The following BARX2 variants were observed in gnomAD, a reference collection of about 807,000 sequenced individuals.
BARX2 encodes homeobox protein BarH-like 2.
In BARX2, 11 loss-of-function variants were observed where a neutral mutation model predicts 25.5. The ratio of observed to expected loss-of-function variants is 0.43; its 90% CI spans 0.27 to 0.71. The LOEUF (loss-of-function observed/expected upper bound fraction) is 0.71. Ranked by LOEUF, BARX2 falls within the 30% of genes least tolerant of loss-of-function variation. The probability of loss-of-function intolerance (pLI) is 0.19; values close to 1 mark genes in which losing one functional copy is unlikely to be tolerated. For missense variants in BARX2, 360 were observed against 359.9 expected (o/e 1.00, Z 0.00); for synonymous variants, 137 against 149.5 (o/e 0.92, Z 0.61).
intron 1 of BARX2, among the ~76,000 whole-genome samples, chr11:129,388,359 A>ACT (rs1454219043): frequency 1.3e-5 from 2 of 151,144 alleles, no homozygotes; most frequent in Non-Finnish European, 3.0e-5. Context: ...TGGCTGTGTG[A>ACT]CTCTCCACTC....
chr11:129,393,782 G>A (rs1429507176), intron 1 of BARX2, among the ~76,000 whole-genome samples: 1 of 152,094 alleles, frequency 6.6e-6, no homozygotes, highest in Non-Finnish European at 1.5e-5. Context: ...ATGAACACTT[G>A]TGTCTACCCA....
chr11:129,429,418 G>A (rs996528619), intron 1 of BARX2, among the ~76,000 whole-genome samples: 7 of 152,066 alleles, frequency 4.6e-5, no homozygotes, highest in African/African-American at 1.7e-4. Context: ...CCAGCTACTT[G>A]GGAGGCTGAG....
chr11:129,391,329 T>G (rs1861663591), intron 1 of BARX2, among the ~76,000 whole-genome samples: 1 of 152,194 alleles, frequency 6.6e-6, no homozygotes, highest in Non-Finnish European at 1.5e-5. Flanking sequence ...ATAAAAATGT[T>G]ATTGGAACAC....
intron 1 of BARX2, among the ~76,000 whole-genome samples, chr11:129,409,457 C>A (rs866045074): frequency 6.6e-5 from 10 of 151,916 alleles, no homozygotes; most frequent in Middle Eastern, 3.4e-3. Context: ...GGCTTGGTAA[C>A]CAAGCTGACT....
intron 1 of BARX2, among the ~76,000 whole-genome samples, chr11:129,398,975 G>A (rs1861749590): frequency 6.6e-6 from 1 of 152,140 alleles, no homozygotes; most frequent in South Asian, 2.1e-4. Context: ...AAGTCATGCT[G>A]TACTCTTTAC....
intron 2 of BARX2, 163 bp downstream of exon 2, chr11:129,437,214 C>A: frequency 1.2e-6 from 1 of 823,336 alleles, no homozygotes; most frequent in Non-Finnish European, 1.7e-6. Flanking sequence ...TAACAGAACC[C>A]AGCCCACATG....
chr11:129,376,106 C>A lies in BARX2; in HGVS notation c.71C>A (p.Thr24Asn), dbSNP rs1372652787. ...QLKAARRRYK[T>N]FMIDEILSKE... is the part of the protein sequence containing the mutation. The stretch of plus-strand genomic sequence containing the variant: ...AAAGCAGCCAGGCGGCGCTACAAGA[C>A]TTTCATGATCGACGAGATCCTCTCC... Residue 24 changes from threonine to asparagine, a missense_variant, in exon 1 of 4, where the codon ACT becomes AAT. Physicochemically the swap from Thr to Asn is moderately conservative, Grantham distance 65. This residue lies in a region of BARX2 where 240 missense variants were observed against 228.7 expected (regional missense o/e 1.05). Transcript: ENST00000281437. The surrounding 1 kb of genome is among the most constrained non-coding windows in gnomAD (Gnocchi z 4.2). 1.2e-6 allele frequency: 2 copies of A among 1,612,992 alleles called. No homozygotes were observed. The highest frequency in any genetic ancestry group is 1.7e-6 in the Non-Finnish European group (2 of 1,179,596).
chr11:129,380,736 C>G (rs1046273792), intron 1 of BARX2, among the ~76,000 whole-genome samples: 5 of 152,032 alleles, frequency 3.3e-5, no homozygotes, highest in Admixed American at 3.3e-4. Flanking sequence ...ATATTTGGAA[C>G]TGAGCTCTTT....
chr11:129,446,681 G>GAGC (rs1186478762), intron 3 of BARX2, among the ~76,000 whole-genome samples: 1 of 152,180 alleles, frequency 6.6e-6, no homozygotes, highest in Non-Finnish European at 1.5e-5. Context: ...GCACAGCCCT[G>GAGC]AGCATTTGTC....
intron 1 of BARX2, among the ~76,000 whole-genome samples, chr11:129,389,390 A>C (rs942606436): frequency 3.9e-5 from 6 of 152,192 alleles, no homozygotes; most frequent in Non-Finnish European, 8.8e-5. Flanking sequence ...GACCCCTTGC[A>C]ACCTGGGTGG....
intron 3 of BARX2, among the ~76,000 whole-genome samples, chr11:129,447,695 G>A: frequency 6.6e-6 from 1 of 152,084 alleles, no homozygotes; most frequent in East Asian, 1.9e-4. Context: ...TCATGCAGTA[G>A]GAAAACAGCC....
chr11:129,396,874 G>A (rs1411343472), intron 1 of BARX2, among the ~76,000 whole-genome samples: 2 of 152,148 alleles, frequency 1.3e-5, no homozygotes, highest in African/African-American at 4.8e-5. Flanking sequence ...CCAGCTCATG[G>A]ATTTTACATC....
chr11:129,402,440 G>A (rs73024957), intron 1 of BARX2, among the ~76,000 whole-genome samples: 2,994 of 152,268 alleles, frequency 0.02, 47 homozygotes, highest in Middle Eastern at 0.065. Flanking sequence ...TCCAACAGCT[G>A]TTTGAATGCA....
At chr11:129,437,502 T>G (rs1862205234) in intron 2 of BARX2, 18 of 988,242 alleles carry the variant, frequency 1.8e-5, no homozygotes, top group Non-Finnish European at 2.2e-5. Context: ...GCCTGGCTAT[T>G]GCTTGGGAAG....
chr11:129,432,656 CT>C (rs1663853939), intron 1 of BARX2, among the ~76,000 whole-genome samples: 1 of 152,192 alleles, frequency 6.6e-6, no homozygotes, highest in Non-Finnish European at 1.5e-5. Context: ...GTTTTAACCA[CT>C]CCTTGGGATC....
intron 1 of BARX2, among the ~76,000 whole-genome samples, chr11:129,384,575 A>G (rs568787951): frequency 4.1e-4 from 63 of 152,206 alleles, no homozygotes; most frequent in Non-Finnish European, 6.2e-4. Flanking sequence ...TGCTTAGTTT[A>G]AGCAATATCT....
At chr11:129,417,470 G>T (rs1861957335) in intron 1 of BARX2, among the ~76,000 whole-genome samples, 1 of 152,204 alleles carries the variant, frequency 6.6e-6, no homozygotes, top group Non-Finnish European at 1.5e-5. Context: ...TGGGTCACTA[G>T]AAGAGAGCTG....
chr11:129,446,608 T>C (rs1221081933), intron 3 of BARX2, among the ~76,000 whole-genome samples: 1 of 152,178 alleles, frequency 6.6e-6, no homozygotes, highest in Non-Finnish European at 1.5e-5. Flanking sequence ...CTTCAGAGAA[T>C]CCAAATATTT....
intron 1 of BARX2, among the ~76,000 whole-genome samples, chr11:129,412,560 A>G (rs913982589): frequency 2.0e-5 from 3 of 152,242 alleles, no homozygotes; most frequent in African/African-American, 7.2e-5. Context: ...GGCAGTCTGC[A>G]CTCACATTGA....
Sources: gnomAD v4.1 joint callset for allele counts (sites outside exome capture counted in the v4.1 genomes callset) on GRCh38, gnomAD v4.1.1 for gene constraint, gnomAD v4.1.1 regional missense constraint, Gnocchi (gnomAD v3.1) non-coding constraint, MANE v1.5 for transcripts, NCBI Gene and HGNC (gene_info 2026-07-23, HGNC 2026-07-21) for gene names.